Variants in TFDP1 observed in about 807,000 individuals in gnomAD.
TFDP1 encodes the protein DRTF1-polypeptide 1.
A neutral mutation model predicts 48.0 loss-of-function variants in TFDP1; 6 were observed. The observed-to-expected ratio is 0.13, with a 90% CI of 0.07 to 0.25. The LOEUF (loss-of-function observed/expected upper bound fraction) is 0.25. Ranked by LOEUF, TFDP1 falls within the 10% of genes least tolerant of loss-of-function variation. The pLI is 1.00. For synonymous variants in TFDP1, 201 were observed against 211.6 expected (o/e 0.95, Z 0.44); for missense variants, 335 against 543.0 (o/e 0.62, Z 3.81).
intron 4 of TFDP1, among the ~76,000 whole-genome samples, chr13:113,626,900 C>G (rs750932954): frequency 6.6e-6 from 1 of 152,172 alleles, no homozygotes; most frequent in African/African-American, 2.4e-5. Flanking sequence ...GCACCACTTT[C>G]GTCTTTACTG....
chr13:113,628,233 T>C (rs1566670111), intron 4 of TFDP1, among the ~76,000 whole-genome samples: 1 of 151,990 alleles, frequency 6.6e-6, no homozygotes, highest in Non-Finnish European at 1.5e-5. Context: ...GTAAAGACTG[T>C]CTGGAGCCGT....
At chr13:113,609,183 CT>C (rs2048645040) in intron 2 of TFDP1, among the ~76,000 whole-genome samples, 1 of 152,260 alleles carries the variant, frequency 6.6e-6, no homozygotes, top group Non-Finnish European at 1.5e-5. Context: ...CTCCACGGCT[CT>C]TTTCCTTGAT....
intron 2 of TFDP1, among the ~76,000 whole-genome samples, chr13:113,602,985 A>AAAC (rs58126506): frequency 0.021 from 3,062 of 146,912 alleles, 123 homozygotes; most frequent in African/African-American, 0.066. Flanking sequence ...AAAAAAAAAA[A>AAAC]ACGTATAATT....
chr13:113,615,987 G>A (rs546327150), intron 3 of TFDP1, among the ~76,000 whole-genome samples: 1 of 152,204 alleles, frequency 6.6e-6, no homozygotes, highest in South Asian at 2.1e-4. Flanking sequence ...TGTATCACCT[G>A]AGGTCAGGAG....
At chr13:113,621,530 C>T (rs2048994720) in intron 3 of TFDP1, among the ~76,000 whole-genome samples, 1 of 152,094 alleles carries the variant, frequency 6.6e-6, no homozygotes, top group Admixed American at 6.5e-5. Flanking sequence ...CTCTTTATTC[C>T]AATATTACAA....
At position 113,602,078 on chromosome 13, in the gene TFDP1, G is replaced by A. The variant is rs143144014; in HGVS notation, c.13-8918G>A. 2.6e-4 allele frequency among the ~76,000 whole-genome samples: 39 copies of A among 151,602 alleles called. No homozygotes were observed. In the East Asian group the frequency reaches 7.4e-3, roughly 29 times the overall value. Reference sequence around the variant, plus strand: ...GATGGAGTTACCCACAGCAGTCGAGGGAGAAGCGGATGGAGTTACCCGCAG... The same window carrying A: ...GATGGAGTTACCCACAGCAGTCGAGAGAGAAGCGGATGGAGTTACCCGCAG... On this transcript the variant is annotated intron_variant, in intron 2 of 11. Transcript: ENST00000375370.
chr13:113,619,305 C>G (rs1006896218), intron 3 of TFDP1, among the ~76,000 whole-genome samples: 3 of 152,000 alleles, frequency 2.0e-5, no homozygotes, highest in Admixed American at 1.3e-4. Flanking sequence ...AAACCCTTCT[C>G]TACTAAAAAT....
intron 11 of TFDP1, among the ~76,000 whole-genome samples, chr13:113,638,624 T>C (rs2049564201): frequency 1.3e-5 from 2 of 152,258 alleles, no homozygotes; most frequent in African/African-American, 4.8e-5. Flanking sequence ...GCTTACATTT[T>C]ATTGTATGAA....
At chr13:113,608,385 G>T (rs915149999) in intron 2 of TFDP1, among the ~76,000 whole-genome samples, 3 of 152,228 alleles carry the variant, frequency 2.0e-5, no homozygotes, top group African/African-American at 7.2e-5. Flanking sequence ...GCTGGGGCTG[G>T]AGTGCAGACA....
At chr13:113,587,143 C>T (rs866862198) in intron 2 of TFDP1, among the ~76,000 whole-genome samples, 11 of 152,030 alleles carry the variant, frequency 7.2e-5, no homozygotes, top group Admixed American at 4.6e-4. Context: ...TTCATTCCCC[C>T]GTGATTTCAC....
Position 113,640,258 on chromosome 13 carries a change from G to T in TFDP1, c.1224G>T (p.Glu408Asp). The change falls in exon 12 of 12, where the codon GAG (glutamate) becomes GAT (aspartate). Residue 408 changes from glutamate (E) to aspartate (D), a missense_variant. Coordinates refer to ENST00000375370, the MANE Select transcript of TFDP1 (RefSeq NM_007111.5). ...ACGATGACTTCAACGAGAATGACGA[G>T]GACGACTGACGTCCTCCCCACTTCA... is the stretch of plus-strand genomic sequence containing the variant. ...EEDDDFNEND[E>D]DD The T allele has an allele frequency of 6.2e-7, 1 of 1,611,950 alleles. No individual in the cohort carries two copies. Among genetic ancestry groups the T allele is most frequent in the Non-Finnish European group, 8.5e-7 (1 of 1,179,352 alleles).
chr13:113,638,024 C>G, intron 11 of TFDP1, 128 bp downstream of exon 11: 1 of 1,291,752 alleles, frequency 7.7e-7, no homozygotes, highest in Non-Finnish European at 1.1e-6. Flanking sequence ...CTTGTCTGTC[C>G]AGGCAGTGGG....
In TFDP1 at chr13:113,628,368, C is replaced by T. The variant is rs535658189; in HGVS notation, c.187-3255C>T. On this transcript the variant is annotated intron_variant, in intron 4 of 11. Transcript: ENST00000375370. ...TTTCTCTGAAGCGCAGCTTGGATTC[C>T]AGCCGTGAGCACAGTAGGAAGGGAG... Among the ~76,000 whole-genome samples, 188 of 152,378 alleles carry T rather than the reference C, an allele frequency of 1.2e-3. 1 individual carries two copies. The highest frequency in any genetic ancestry group is 2.2e-3 in the Non-Finnish European group (149 of 68,038).
chr13:113,593,348 T>G (rs2140290436), intron 2 of TFDP1, among the ~76,000 whole-genome samples: 1 of 126,280 alleles, frequency 7.9e-6, no homozygotes, highest in African/African-American at 3.3e-5. Flanking sequence ...AGGTGACAGG[T>G]GTGCTGTGTG....
At position 113,634,239 on chromosome 13, in the gene TFDP1, T is replaced by G; in HGVS notation, c.618+206T>G. On this transcript the variant is annotated intron_variant, in intron 7 of 11. Coordinates refer to ENST00000375370, the MANE Select transcript of TFDP1 (RefSeq NM_007111.5). ...GTTGGCCCAGACCCACTAGAGTCTG[T>G]TAAACTCTAGTGTAGGTTAATTCTG... The G allele has an allele frequency of 2.7e-6, 2 of 740,254 alleles. No homozygotes were observed. Among genetic ancestry groups the G allele is most frequent in the Non-Finnish European group, 4.7e-6 (2 of 423,258 alleles). 45.9% of individuals were successfully genotyped at this position (740,254 alleles called of 1,614,324 possible).
chr13:113,592,688 C>A (rs1037242206), intron 2 of TFDP1, among the ~76,000 whole-genome samples: 1 of 152,262 alleles, frequency 6.6e-6, no homozygotes, highest in African/African-American at 2.4e-5. Flanking sequence ...CTGAATGGGT[C>A]AGCCCAGAAT....
intron 10 of TFDP1, 106 bp from the exon 11 acceptor site, chr13:113,637,712 C>G (rs1566679917): frequency 1.3e-6 from 2 of 1,593,202 alleles, no homozygotes; most frequent in Non-Finnish European, 1.7e-6. Flanking sequence ...CCGGAAGCTT[C>G]TACAGCCGTC....
At chr13:113,632,557 C>T (rs2049364155) in intron 5 of TFDP1, among the ~76,000 whole-genome samples, 1 of 152,176 alleles carries the variant, frequency 6.6e-6, no homozygotes, top group African/African-American at 2.4e-5. Flanking sequence ...GCCAGCAGAT[C>T]ACGAGTTCAA....
At chr13:113,600,838 T>C (rs1018980098) in intron 2 of TFDP1, among the ~76,000 whole-genome samples, 1 of 139,250 alleles carries the variant, frequency 7.2e-6, no homozygotes, top group African/African-American at 3.0e-5. Context: ...CCCTCACACG[T>C]AGAACTCCAG....
Sources: allele counts gnomAD v4.1 joint callset (sites outside exome capture counted in the v4.1 genomes callset), GRCh38; gene constraint gnomAD v4.1.1; transcripts MANE v1.5; gene names NCBI Gene and HGNC (gene_info 2026-07-23, HGNC 2026-07-21).